Variants in GNAQ observed in about 807,000 individuals in gnomAD.
GNAQ encodes the protein G protein subunit alpha q, also known as guanine nucleotide-binding protein G(q) subunit alpha.
GNAQ carries 8 observed loss-of-function variants against 43.9 expected under a neutral mutation model. That is an observed-to-expected ratio of 0.18 (90% CI 0.11 to 0.33). GNAQ has a LOEUF of 0.33. GNAQ is among the 10% of genes least tolerant of loss of function. The pLI is 1.00. For synonymous variants in GNAQ, 155 were observed against 170.7 expected (o/e 0.91, Z 0.71); for missense variants, 158 against 450.8 (o/e 0.35, Z 5.88).
At chr9:77,905,590 A>G (rs1564147110) in intron 2 of GNAQ, among the ~76,000 whole-genome samples, 1 of 152,230 alleles carries the variant, frequency 6.6e-6, no homozygotes, top group African/African-American at 2.4e-5. Flanking sequence ...ACTGCACAGG[A>G]ACATGGGGCA....
chr9:77,781,073 T>C (rs1179857946), intron 5 of GNAQ, among the ~76,000 whole-genome samples: 2 of 152,002 alleles, frequency 1.3e-5, no homozygotes, highest in Admixed American at 6.5e-5. Flanking sequence ...TTCTACTCTG[T>C]TGTTTCCATT....
At chr9:77,909,695 A>AC (rs368017730) in intron 2 of GNAQ, among the ~76,000 whole-genome samples, 4 of 152,026 alleles carry the variant, frequency 2.6e-5, no homozygotes, top group African/African-American at 9.7e-5. Flanking sequence ...AAAAAAAAAA[A>AC]AACAACAACT....
At chr9:77,806,133 T>A (rs912472509) in intron 3 of GNAQ, among the ~76,000 whole-genome samples, 2 of 152,088 alleles carry the variant, frequency 1.3e-5, no homozygotes, top group African/African-American at 4.8e-5. Flanking sequence ...AAAACAACAA[T>A]AGCAATGAGA....
chr9:77,787,303 C>T (rs192435958), intron 5 of GNAQ, among the ~76,000 whole-genome samples: 1,852 of 152,272 alleles, frequency 0.012, 37 homozygotes, highest in African/African-American at 0.041. Flanking sequence ...ATAGTGGCTA[C>T]CTGGTAGGAG....
At chr9:77,954,343 T>C (rs143226481) in intron 1 of GNAQ, among the ~76,000 whole-genome samples, 238 of 152,324 alleles carry the variant, frequency 1.6e-3, no homozygotes, top group African/African-American at 5.5e-3. Flanking sequence ...ACATAGTAAG[T>C]GTCAAAGCAA....
chr9:77,987,838 G>A (rs1385219805), intron 1 of GNAQ, among the ~76,000 whole-genome samples: 5 of 152,116 alleles, frequency 3.3e-5, no homozygotes, highest in Non-Finnish European at 7.3e-5. Flanking sequence ...CAAGTCCAGT[G>A]TGGGCAGCAC....
intron 2 of GNAQ, among the ~76,000 whole-genome samples, chr9:77,819,782 A>G (rs1018032054): frequency 2.4e-4 from 6 of 25,360 alleles, no homozygotes; most frequent in Admixed American, 4.9e-4. Context: ...TGGACTGTGG[A>G]AAAAAAAAAA....
At chr9:77,995,601 C>T (rs1823558697) in intron 1 of GNAQ, among the ~76,000 whole-genome samples, 1 of 152,066 alleles carries the variant, frequency 6.6e-6, no homozygotes, top group Admixed American at 6.5e-5. Context: ...AGTGACCCTT[C>T]CACCTTAGCC....
intron 1 of GNAQ, among the ~76,000 whole-genome samples, chr9:77,950,451 C>A (rs1048357389): frequency 2.2e-4 from 34 of 152,214 alleles, no homozygotes; most frequent in African/African-American, 8.2e-4. Context: ...ACAAGCCTTC[C>A]CCATTCAGAA....
intron 5 of GNAQ, among the ~76,000 whole-genome samples, chr9:77,755,630 C>T (rs995052267): frequency 2.0e-5 from 3 of 152,134 alleles, no homozygotes; most frequent in Admixed American, 2.0e-4. Context: ...TTTCCTTTAT[C>T]ATGTGACATA....
rs1825288984 is a variant in GNAQ at position 77,720,186 on chromosome 9, CTGT to C, written c.*1134_*1136del. On this transcript the variant is annotated 3_prime_UTR_variant, in exon 7 of 7. Transcript: ENST00000286548. The stretch of plus-strand genomic sequence containing the variant: ...GTGAGAATCAAATTTCTAGTTACAA[CTGT>C]TTGGCAAATGGCATTTCTGGTTCAT... 1 of 233,232 alleles carries C rather than the reference CTGT, an allele frequency of 4.3e-6. No individual in the cohort carries two copies. The highest frequency in any genetic ancestry group is 6.0e-5 in the East Asian group (1 of 16,570). The allele number at this position is 233,232 out of a possible 1,614,324, so 14.4% of individuals were successfully genotyped here.
chr9:77,935,578 A>C (rs772451625), intron 1 of GNAQ, among the ~76,000 whole-genome samples: 56 of 152,210 alleles, frequency 3.7e-4, no homozygotes, highest in Non-Finnish European at 7.6e-4. Context: ...TTTAGGTTAT[A>C]ATTACTCCAA....
intron 1 of GNAQ, among the ~76,000 whole-genome samples, chr9:78,028,779 A>G (rs1202638134): frequency 1.3e-5 from 2 of 152,168 alleles, no homozygotes; most frequent in Non-Finnish European, 2.9e-5. Flanking sequence ...CCTCCCTAAT[A>G]TCTTCCTTGT....
At chr9:78,026,249 G>C (rs1374905707) in intron 1 of GNAQ, among the ~76,000 whole-genome samples, 2 of 152,090 alleles carry the variant, frequency 1.3e-5, no homozygotes, top group African/African-American at 4.8e-5. Context: ...TAGCATATAG[G>C]GGTAAGGATG....
chr9:77,784,617 T>C (rs944518103), intron 5 of GNAQ, among the ~76,000 whole-genome samples: 3 of 152,154 alleles, frequency 2.0e-5, no homozygotes, highest in African/African-American at 4.8e-5. Flanking sequence ...GAAAGATTCC[T>C]TAAGGAGGAC....
chr9:77,918,726 C>T (rs1326720160), intron 2 of GNAQ, among the ~76,000 whole-genome samples: 1 of 152,084 alleles, frequency 6.6e-6, no homozygotes, highest in African/African-American at 2.4e-5. Flanking sequence ...CCAATGTGCC[C>T]CTCCCTCAGA....
intron 2 of GNAQ, among the ~76,000 whole-genome samples, chr9:77,901,744 C>T (rs191550093): frequency 5.9e-4 from 90 of 152,308 alleles, no homozygotes; most frequent in African/African-American, 2.1e-3. Context: ...TTCTGGGTTG[C>T]TATTTAAAAA....
intron 2 of GNAQ, among the ~76,000 whole-genome samples, chr9:77,847,759 T>C (rs1827610570): frequency 6.6e-6 from 1 of 152,182 alleles, no homozygotes; most frequent in Non-Finnish European, 1.5e-5. Context: ...ATTTTGGGCC[T>C]TGTGCAAAGG....
In GNAQ at chr9:77,841,049, G is replaced by A. The variant is rs955823265; in HGVS notation, c.322-25279C>T. ...CACTGCTGAGCTCATACTGTTACAC[G>A]TGAAGCCCAGATATCACACCTCATG... On this transcript the variant is annotated intron_variant, in intron 2 of 6. Coordinates refer to ENST00000286548, the MANE Select transcript of GNAQ (RefSeq NM_002072.5). Among the ~76,000 whole-genome samples, 14 of 151,956 alleles carry A rather than the reference G, an allele frequency of 9.2e-5. No homozygotes were observed. The South Asian group carries it at 1.7e-3, about 18-fold the overall frequency.
Sources: gnomAD v4.1 joint callset for allele counts (sites outside exome capture counted in the v4.1 genomes callset) on GRCh38, gnomAD v4.1.1 for gene constraint, MANE v1.5 for transcripts, NCBI Gene and HGNC (gene_info 2026-07-23, HGNC 2026-07-21) for gene names.